LRP1B: variants seen among roughly 807,000 people sequenced by gnomAD.
The protein encoded by LRP1B is low-density lipoprotein receptor-related protein 1B.
In LRP1B, 217 loss-of-function variants were observed where a neutral mutation model predicts 556.6. That is an observed-to-expected ratio of 0.39 (90% CI 0.35 to 0.44). The LOEUF (loss-of-function observed/expected upper bound fraction) is 0.44, where lower values mean the gene tolerates loss of function less well. LRP1B is among the 20% of genes least tolerant of loss of function. The probability of loss-of-function intolerance (pLI) is 1.00; values close to 1 mark genes in which losing one functional copy is unlikely to be tolerated. For synonymous variants in LRP1B, 2,047 were observed against 1,865.8 expected (o/e 1.10, Z -2.50); for missense variants, 5,053 against 5,620.8 (o/e 0.90, Z 3.23).
Position 140,325,822 on chromosome 2 carries a change from T to A in LRP1B, c.12280A>T (p.Ile4094Phe), listed in dbSNP as rs755528146. The change falls in exon 80 of 91, where the codon ATC becomes TTC. Residue 4094 changes from isoleucine (I) to phenylalanine (F), a missense_variant. Ile to Phe is a conservative substitution (Grantham distance 21, BLOSUM62 0). Transcript: ENST00000389484. ...RIYWADFELS[I>F]IGSVLYDGSN... is the part of the protein sequence containing the mutation. ...CCATCATACAGAACACTGCCAATGA[T>A]GGAGAGCTCAAAGTCAGCCCAATAT... 1 of 1,613,086 alleles carries A rather than the reference T, an allele frequency of 6.2e-7. No individual in the cohort carries two copies. Among genetic ancestry groups the A allele is most frequent in the Admixed American group, 1.7e-5 (1 of 59,886 alleles).
At chr2:140,715,817 T>C (rs531456824) in intron 37 of LRP1B, among the ~76,000 whole-genome samples, 156 bp downstream of exon 37, 1 of 147,122 alleles carries the variant, frequency 6.8e-6, no homozygotes, top group Non-Finnish European at 1.5e-5. Context: ...TGTACTAAAT[T>C]ATATGAACAA....
chr2:141,235,996 G>A (rs557700882), intron 5 of LRP1B, among the ~76,000 whole-genome samples: 63 of 152,054 alleles, frequency 4.1e-4, no homozygotes, highest in Non-Finnish European at 6.9e-4. Context: ...TAGAAATACA[G>A]TATAATGTGA....
At chr2:140,543,892 T>C (rs1461890618) in intron 43 of LRP1B, among the ~76,000 whole-genome samples, 1 of 151,954 alleles carries the variant, frequency 6.6e-6, no homozygotes, top group African/African-American at 2.4e-5. Flanking sequence ...CTATGAACAA[T>C]TGGAAATTGA....
intron 21 of LRP1B, among the ~76,000 whole-genome samples, chr2:140,922,281 TAC>T (rs10598952): frequency 0.55 from 82,200 of 150,054 alleles, 23,506 homozygotes; most frequent in South Asian, 0.67. Flanking sequence ...CCTATTTGTA[TAC>T]ACACACACAC....
chr2:141,851,748 G>A (rs1697864240), intron 1 of LRP1B, among the ~76,000 whole-genome samples: 1 of 151,608 alleles, frequency 6.6e-6, no homozygotes, highest in Admixed American at 6.6e-5. Flanking sequence ...AGGAATTGCT[G>A]TTTCCTTAAG....
chr2:140,416,117 G>A (rs1029553560), intron 66 of LRP1B, among the ~76,000 whole-genome samples: 3 of 152,144 alleles, frequency 2.0e-5, no homozygotes, highest in Non-Finnish European at 4.4e-5. Context: ...ATTCACAATG[G>A]CTACCCATTG....
At chr2:141,050,080 A>T (rs927697897) in intron 10 of LRP1B, among the ~76,000 whole-genome samples, 1 of 151,948 alleles carries the variant, frequency 6.6e-6, no homozygotes. Context: ...ATACAAGGAA[A>T]AACATACTGA....
At chr2:141,286,808 T>A (rs1226004195) in intron 3 of LRP1B, 5 of 377,552 alleles carry the variant, frequency 1.3e-5, no homozygotes, top group Admixed American at 1.3e-4. Context: ...TACAACACTC[T>A]CCTATTTTCC....
intron 43 of LRP1B, among the ~76,000 whole-genome samples, chr2:140,543,170 A>T (rs1171631700): frequency 6.6e-6 from 1 of 152,142 alleles, no homozygotes; most frequent in Non-Finnish European, 1.5e-5. Context: ...TTTTATGAGA[A>T]TATAAAAATG....
rs1559131237 is a variant in LRP1B at position 141,544,340 on chromosome 2, C to CTTCTT, written c.206-63812_206-63808dup. ...TCTTCTTCTTCTTCTTCTTCTTCTTCTTCTTCTTCTTCTTCTTCTTCTTCT... is the reference window on the plus strand; with the variant it reads ...TCTTCTTCTTCTTCTTCTTCTTCTTCTTCTTTTCTTCTTCTTCTTCTTCTTCTTCT... On this transcript the variant is annotated intron_variant, in intron 2 of 90. Transcript: ENST00000389484. Among the ~76,000 whole-genome samples, 87 of 73,252 alleles carry CTTCTT rather than the reference C, an allele frequency of 1.2e-3. 2 individuals are homozygous for CTTCTT. Among genetic ancestry groups the CTTCTT allele is most frequent in the African/African-American group, 1.7e-3 (31 of 18,332 alleles). The allele number at this position is 73,252 out of a possible 152,430, so 48.1% of individuals were successfully genotyped here. A position where few individuals can be genotyped will look rare whatever the true frequency, so the allele number is the denominator to read the frequency against.
chr2:140,667,771 G>A (rs981599511), intron 41 of LRP1B, among the ~76,000 whole-genome samples: 4 of 152,004 alleles, frequency 2.6e-5, no homozygotes, highest in Non-Finnish European at 4.4e-5. Flanking sequence ...CAGAATATAC[G>A]CTTTTTTGCT....
rs2105340704 is a variant in LRP1B, at chr2:141,254,660, T to C, written c.344-19A>G. 1 of 1,551,880 alleles carries C rather than the reference T, an allele frequency of 6.4e-7. No individual in the cohort carries two copies. Among genetic ancestry groups the C allele is most frequent in the Non-Finnish European group, 8.8e-7 (1 of 1,131,010 alleles). ...AACAGTTCTGTAGAGAAAAAACAAA[T>C]ATATTCTCTATATTTAACTGTATAT... is the stretch of plus-strand genomic sequence containing the variant. On this transcript the variant is annotated intron_variant, in intron 3 of 90. Transcript: ENST00000389484.
chr2:141,055,435 G>T (rs529550751), intron 9 of LRP1B, among the ~76,000 whole-genome samples, 176 bp from the exon 10 acceptor site: 2 of 151,890 alleles, frequency 1.3e-5, no homozygotes, highest in Non-Finnish European at 2.9e-5. Context: ...CATAGAAGAG[G>T]AGACAGGGAT....
chr2:141,981,182 T>C (rs1702033372), intron 1 of LRP1B, among the ~76,000 whole-genome samples: 1 of 152,080 alleles, frequency 6.6e-6, no homozygotes, highest in African/African-American at 2.4e-5. Context: ...AATCTTATGG[T>C]ACTATGTATC....
intron 2 of LRP1B, among the ~76,000 whole-genome samples, chr2:141,794,148 A>G (rs1233412854): frequency 1.3e-5 from 2 of 151,926 alleles, no homozygotes; most frequent in Non-Finnish European, 2.9e-5. Flanking sequence ...TTCCCCCCAC[A>G]TCTTGAATGT....
chr2:141,324,442 A>G (rs907346009), intron 3 of LRP1B, among the ~76,000 whole-genome samples: 2 of 152,140 alleles, frequency 1.3e-5, no homozygotes, highest in African/African-American at 4.8e-5. Context: ...CTGATTTCCC[A>G]GATAATTAAC....
At chr2:141,659,516 T>C (rs919526725) in intron 2 of LRP1B, among the ~76,000 whole-genome samples, 2 of 152,058 alleles carry the variant, frequency 1.3e-5, no homozygotes, top group African/African-American at 4.8e-5. Context: ...CAATCAACAA[T>C]GACTTATGCT....
chr2:140,324,656 T>C (rs1329090072), intron 80 of LRP1B, among the ~76,000 whole-genome samples: 1 of 152,078 alleles, frequency 6.6e-6, no homozygotes, highest in East Asian at 1.9e-4. Context: ...CATCTTGTGA[T>C]TTATTTTCAG....
intron 2 of LRP1B, among the ~76,000 whole-genome samples, chr2:141,665,693 A>G (rs1421312314): frequency 6.6e-6 from 1 of 152,208 alleles, no homozygotes; most frequent in African/African-American, 2.4e-5. Context: ...CGCATCAATG[A>G]TAGACTGGAT....
Sources: gnomAD v4.1 joint callset for allele counts (sites outside exome capture counted in the v4.1 genomes callset) on GRCh38, gnomAD v4.1.1 for gene constraint, MANE v1.5 for transcripts, NCBI Gene and HGNC (gene_info 2026-07-23, HGNC 2026-07-21) for gene names.